VPS51: variants seen among roughly 807,000 people sequenced by gnomAD.
VPS51 encodes the protein vacuolar protein sorting-associated protein 51 homolog.
VPS51 carries 55 observed loss-of-function variants against 65.1 expected under a neutral mutation model. The ratio of observed to expected loss-of-function variants is 0.84; its 90% CI spans 0.68 to 1.06. VPS51 has a LOEUF of 1.06. VPS51 is among the 50% of genes least tolerant of loss of function. The pLI, the probability that VPS51 is intolerant of heterozygous loss-of-function variation, is 0.00. For missense variants in VPS51, 943 were observed against 1,101.6 expected, an observed-to-expected ratio of 0.86 and a Z score of 2.04; for synonymous variants, 473 against 489.5, an observed-to-expected ratio of 0.97 and a Z score of 0.44.
intron 5 of VPS51, 100 bp downstream of exon 5, chr11:65,109,014 G>A: frequency 1.4e-6 from 2 of 1,417,384 alleles, no homozygotes; most frequent in Non-Finnish European, 2.0e-6. Flanking sequence ...GGCACTCTGG[G>A]TGTGGTTTCA....
chr11:65,111,745 T>C lies in VPS51; in HGVS notation c.*158T>C. The C allele has an allele frequency of 7.7e-7, 1 of 1,303,394 alleles. No individual in the cohort carries two copies. The highest frequency in any genetic ancestry group is 2.5e-5 in the East Asian group (1 of 39,332). The allele number at this position is 1,303,394 out of a possible 1,614,324, so 80.7% of individuals were successfully genotyped here. On this transcript the variant is annotated 3_prime_UTR_variant, in exon 10 of 10. Transcript: ENST00000279281. ...TGGGCGGGCCTTTCCGGGGGCGGGG[T>C]TTTGAAGCTGAGGCTTCTGAGGCGC...
At chr11:65,111,092 C>A in intron 9 of VPS51, 1 of 753,744 alleles carries the variant, frequency 1.3e-6, no homozygotes, top group Non-Finnish European at 2.3e-6. Context: ...CCCATGGTCC[C>A]TGCCCCGCCT....
intron 2 of VPS51, among the ~76,000 whole-genome samples, chr11:65,100,017 C>A (rs183914128): frequency 6.6e-6 from 1 of 151,968 alleles, no homozygotes; most frequent in East Asian, 1.9e-4. Context: ...GCAGGAGAAT[C>A]GCTTGAACCC....
rs543131603 is a variant in VPS51, at chr11:65,102,110, G to A, written c.358+4983G>A. ...TCGGCTCACTGCAACCTCCGCCTCC[G>A]GGGTTCAAGTGATTCTCCTGTCTTA... is the stretch of plus-strand genomic sequence containing the variant. On this transcript the variant is annotated intron_variant, in intron 2 of 9. Transcript: ENST00000279281. Among the ~76,000 whole-genome samples, 17 of 147,144 alleles carry A rather than the reference G, an allele frequency of 1.2e-4. No homozygotes were observed. The South Asian group carries it at 3.0e-3, about 26-fold the overall frequency.
Position 65,107,727 on chromosome 11 carries a change from G to A in VPS51, c.505G>A (p.Gly169Arg). The change falls in exon 3 of 10, where the codon GGG becomes AGG. Residue 169 changes from glycine (G) to arginine (R), a missense_variant and splice_region_variant. Transcript: ENST00000279281. The surrounding 1 kb of genome is among the most constrained non-coding windows in gnomAD (Gnocchi z 4.0). ...DRHERITKLA[G>R]VHALLRKLQF... The stretch of plus-strand genomic sequence containing the variant: ...CCACGAGCGCATCACCAAGCTGGCA[G>A]GTGGGCGCTGCCGGGCAGGGCCTGC... 3 of 1,607,350 alleles carry A rather than the reference G, an allele frequency of 1.9e-6. No individual in the cohort carries two copies. Among genetic ancestry groups the A allele is most frequent in the Non-Finnish European group, 2.6e-6 (3 of 1,176,246 alleles).
In VPS51 at chr11:65,109,691, C is replaced by A. The variant is rs1947875436; in HGVS notation, c.1660-14C>A. On this transcript the variant is annotated splice_polypyrimidine_tract_variant and intron_variant, in intron 6 of 9. Coordinates refer to ENST00000279281, the MANE Select transcript of VPS51 (RefSeq NM_013265.4). ...CCATACCCACTCCCTCTGTCCTCTGCCTCCTTGGCTCAGGATCAGTTCCCA... is the reference window on the plus strand; with the variant it reads ...CCATACCCACTCCCTCTGTCCTCTGACTCCTTGGCTCAGGATCAGTTCCCA... 1.3e-6 allele frequency: 2 copies of A among 1,552,288 alleles called. No individual in the cohort carries two copies. The highest frequency in any genetic ancestry group is 1.4e-5 in the African/African-American group (1 of 73,530).
At position 65,107,586 on chromosome 11, in the gene VPS51, A is replaced by G; in HGVS notation, c.364A>G (p.Ile122Val). The change falls in exon 3 of 10, where the codon ATC becomes GTC. Residue 122 changes from isoleucine to valine, a missense_variant. Ile to Val is a conservative substitution (Grantham distance 29). This residue lies in a region of VPS51 where 855 missense variants were observed against 953.7 expected (regional missense o/e 0.90). Transcript: ENST00000279281. This position sits in a 1 kb window ranked among gnomAD's most constrained non-coding sequence, Gnocchi z 4.0. Reference sequence around the variant, plus strand: ...CCCCGCCCCTGCCCTCCTAGACACCATCCGGAAGATGAAGAACGATTTCCG... The same window carrying G: ...CCCCGCCCCTGCCCTCCTAGACACCGTCCGGAAGATGAAGAACGATTTCCG... ...YNKFISATDT[I>V]RKMKNDFRKM... is the part of the protein sequence containing the mutation. 6.3e-7 allele frequency: 1 copy of G among 1,587,596 alleles called. No individual in the cohort carries two copies. The highest frequency in any genetic ancestry group is 8.6e-7 in the Non-Finnish European group (1 of 1,160,018).
At position 65,111,605 on chromosome 11, in the gene VPS51, C is replaced by T. The variant is rs775643170; in HGVS notation, c.*18C>T. On this transcript the variant is annotated 3_prime_UTR_variant, in exon 10 of 10. Coordinates refer to ENST00000279281, the MANE Select transcript of VPS51 (RefSeq NM_013265.4). ...GCGGCTAGGCGCAGCCGCTGCCATG[C>T]ACCGGTCTGTCCCTGCACCCCATGG... 17 of 1,594,124 alleles carry T rather than the reference C, an allele frequency of 1.1e-5. 2 individuals are homozygous for T. In the South Asian group the frequency reaches 1.3e-4, roughly 13 times the overall value.
Position 65,111,169 on chromosome 11 carries a change from G to A in VPS51, c.2089-158G>A. ...TGTCCCCTGCCCTCCAGATGACGGC[G>A]CTAATATTGTATCCCTCCCTTCTTA... On this transcript the variant is annotated intron_variant, in intron 9 of 9. Coordinates refer to ENST00000279281, the MANE Select transcript of VPS51 (RefSeq NM_013265.4). 3.6e-6 allele frequency: 4 copies of A among 1,118,292 alleles called. No individual in the cohort carries two copies. In the South Asian group the frequency reaches 5.3e-5, roughly 15 times the overall value. The allele number at this position is 1,118,292 out of a possible 1,614,324, so 69.3% of individuals were successfully genotyped here. A position where few individuals can be genotyped will look rare whatever the true frequency, so the allele number is the denominator to read the frequency against.
chr11:65,108,519 G>C lies in VPS51; in HGVS notation c.1048G>C (p.Ala350Pro), dbSNP rs1323242383. 2.5e-6 allele frequency: 4 copies of C among 1,597,078 alleles called. No homozygotes were observed. The highest frequency in any genetic ancestry group is 2.7e-5 in the African/African-American group (2 of 74,790). Residue 350 changes from alanine to proline, a missense_variant, in exon 5 of 10, where the codon GCG (alanine) becomes CCG (proline). Ala to Pro is a conservative substitution (Grantham distance 27). Around this residue, in one of 2 missense-constraint regions of VPS51, gnomAD observed 855 missense variants for 953.7 expected, o/e 0.90. Coordinates refer to ENST00000279281, the MANE Select transcript of VPS51 (RefSeq NM_013265.4). ...CCGGCAGCTGGGCAGCCGCTATTTTGCGCTGGTGGAGCGGCGGCTGGCGCA... is the reference window on the plus strand; with the variant it reads ...CCGGCAGCTGGGCAGCCGCTATTTTCCGCTGGTGGAGCGGCGGCTGGCGCA... ...FARQLGSRYF[A>P]LVERRLAQEQ... is the part of the protein sequence containing the mutation.
intron 2 of VPS51, chr11:65,105,482 CTG>C (rs1393731519): frequency 6.6e-6 from 1 of 152,012 alleles, no homozygotes; most frequent in Non-Finnish European, 1.5e-5. Context: ...AAAATGCAAA[CTG>C]TGTGCTTCCT....
rs764337676 is a variant in VPS51, at chr11:65,111,609, G to T, written c.*22G>T. On this transcript the variant is annotated 3_prime_UTR_variant, in exon 10 of 10. Coordinates refer to ENST00000279281, the MANE Select transcript of VPS51 (RefSeq NM_013265.4). ...CTAGGCGCAGCCGCTGCCATGCACC[G>T]GTCTGTCCCTGCACCCCATGGCACC... The T allele has an allele frequency of 4.4e-6, 7 of 1,591,138 alleles. No individual in the cohort carries two copies. The South Asian group carries it at 6.7e-5, about 15-fold the overall frequency.
chr11:65,096,512 A>C, intron 1 of VPS51, 34 bp downstream of exon 1: 240 of 440,732 alleles, frequency 5.4e-4, no homozygotes, highest in Non-Finnish European at 8.4e-4. Context: ...GGGTGCGGGG[A>C]GGGGGGAAGG....
At position 65,111,713 on chromosome 11, in the gene VPS51, C is replaced by G; in HGVS notation, c.*126C>G. On this transcript the variant is annotated 3_prime_UTR_variant, in exon 10 of 10. Coordinates refer to ENST00000279281, the MANE Select transcript of VPS51 (RefSeq NM_013265.4). ...ATAAACATGTGTGGCCTCCTCCTCT[C>G]GCTTGCTGGGCGGGCCTTTCCGGGG... 4.3e-6 allele frequency: 6 copies of G among 1,390,220 alleles called. No individual in the cohort carries two copies. Among genetic ancestry groups the G allele is most frequent in the Non-Finnish European group, 5.7e-6 (6 of 1,056,830 alleles). The allele number at this position is 1,390,220 out of a possible 1,614,324, so 86.1% of individuals were successfully genotyped here.
chr11:65,111,199 GC>G, intron 9 of VPS51, 127 bp from the exon 10 acceptor site: 6 of 1,386,104 alleles, frequency 4.3e-6, no homozygotes, highest in Non-Finnish European at 4.0e-6. Context: ...TTCTTATCTG[GC>G]CCCGGAGACT....
intron 2 of VPS51, among the ~76,000 whole-genome samples, chr11:65,100,289 A>G (rs1006924356): frequency 6.6e-6 from 1 of 152,194 alleles, no homozygotes; most frequent in African/African-American, 2.4e-5. Flanking sequence ...ACACTTCTCC[A>G]GAGAAAACAT....
chr11:65,109,678 CCT>C (rs1565316690), intron 6 of VPS51, 25 bp from the exon 7 acceptor site: 1 of 1,543,386 alleles, frequency 6.5e-7, no homozygotes, highest in South Asian at 1.2e-5. Context: ...ATACCCACTC[CCT>C]CTGTCCTCTG....
At chr11:65,099,917 A>G (rs1431329368) in intron 2 of VPS51, among the ~76,000 whole-genome samples, 1 of 152,224 alleles carries the variant, frequency 6.6e-6, no homozygotes, top group Non-Finnish European at 1.5e-5. Context: ...AGGCTGGCCA[A>G]TATGGTGAAA....
intron 7 of VPS51, 57 bp from the exon 8 acceptor site, chr11:65,110,425 T>C: frequency 6.2e-7 from 1 of 1,612,804 alleles, no homozygotes; most frequent in Non-Finnish European, 8.5e-7. Context: ...TCAGCACCGA[T>C]GGGCTGGTGG....
Sources: allele counts gnomAD v4.1 joint callset (sites outside exome capture counted in the v4.1 genomes callset), GRCh38; gene constraint gnomAD v4.1.1; regional missense constraint gnomAD v4.1.1; non-coding constraint Gnocchi (gnomAD v3.1); transcripts MANE v1.5; gene names NCBI Gene and HGNC (gene_info 2026-07-23, HGNC 2026-07-21).